The following CENPW variants were observed in gnomAD, a reference collection of about 807,000 sequenced individuals.
The protein encoded by CENPW is centromere protein W.
CENPW carries 3 observed loss-of-function variants against 11.1 expected under a neutral mutation model. The observed-to-expected ratio is 0.27, with a 90% CI of 0.12 to 0.70. The LOEUF is 0.70. Ranked by LOEUF, CENPW falls within the 30% of genes least tolerant of loss-of-function variation. The probability of loss-of-function intolerance (pLI) is 0.77; values close to 1 mark genes in which losing one functional copy is unlikely to be tolerated. For missense variants in CENPW, 100 were observed against 105.6 expected, an observed-to-expected ratio of 0.95 and a Z score of 0.23; for synonymous variants, 38 against 42.0, an observed-to-expected ratio of 0.91 and a Z score of 0.37.
intron 2 of CENPW, among the ~76,000 whole-genome samples, chr6:126,346,753 G>GC (rs1019295765): frequency 1.3e-5 from 2 of 152,008 alleles, no homozygotes; most frequent in South Asian, 2.1e-4. Flanking sequence ...GGGGAAAACC[G>GC]CCCCCCATGA....
chr6:126,466,925 A>G, the CENPW span, among the ~76,000 whole-genome samples: 1 of 152,180 alleles, frequency 6.6e-6, no homozygotes, highest in East Asian at 1.9e-4. Context: ...GGAATAGGGG[A>G]AAAACAGCTA....
At chr6:126,467,772 A>T in the CENPW span, among the ~76,000 whole-genome samples, 1 of 152,158 alleles carries the variant, frequency 6.6e-6, no homozygotes, top group Admixed American at 6.6e-5. Context: ...GTCTTCCAAA[A>T]AATACAGTAT....
chr6:126,370,111 A>G, the CENPW span, among the ~76,000 whole-genome samples: 1 of 152,106 alleles, frequency 6.6e-6, no homozygotes, highest in Non-Finnish European at 1.5e-5. Context: ...TGGGTTCTCT[A>G]TTCTGTTCCA....
the CENPW span, among the ~76,000 whole-genome samples, chr6:126,476,691 T>G: frequency 6.6e-6 from 1 of 151,998 alleles, no homozygotes; most frequent in Non-Finnish European, 1.5e-5. Context: ...AATATCTCAG[T>G]ATGAGAGAAT....
the CENPW span, among the ~76,000 whole-genome samples, chr6:126,474,361 A>C: frequency 6.6e-6 from 1 of 152,102 alleles, no homozygotes; most frequent in African/African-American, 2.4e-5. Flanking sequence ...TTCCCCATGT[A>C]AACCTTGTGG....
the CENPW span, among the ~76,000 whole-genome samples, chr6:126,397,743 G>A: frequency 6.6e-6 from 1 of 152,004 alleles, no homozygotes; most frequent in Non-Finnish European, 1.5e-5. Flanking sequence ...CATTGTTGGT[G>A]ACCTGTTCCC....
the CENPW span, among the ~76,000 whole-genome samples, chr6:126,425,746 A>C: frequency 1.3e-5 from 2 of 151,786 alleles, no homozygotes; most frequent in African/African-American, 2.4e-5. Flanking sequence ...TCATCTGTAC[A>C]CTAGTTCTTT....
At chr6:126,476,469 A>C in the CENPW span, among the ~76,000 whole-genome samples, 2 of 151,954 alleles carry the variant, frequency 1.3e-5, no homozygotes, top group African/African-American at 4.8e-5. Context: ...TCATCTGAAG[A>C]TAATACTTTA....
the CENPW span, among the ~76,000 whole-genome samples, chr6:126,443,908 C>A: frequency 6.6e-6 from 1 of 151,070 alleles, no homozygotes; most frequent in African/African-American, 2.4e-5. Flanking sequence ...ACAAAAAGTT[C>A]AACACTTTTA....
At chr6:126,353,787 CTCTG>C (rs1192590472), downstream of CENPW, among the ~76,000 whole-genome samples, 2 of 152,048 alleles carry the variant, frequency 1.3e-5, no homozygotes, top group African/African-American at 2.4e-5. Context: ...TGAATTTTTT[CTCTG>C]TCTTTTAGTT....
the CENPW span, among the ~76,000 whole-genome samples, chr6:126,424,039 T>C: frequency 6.6e-6 from 1 of 152,046 alleles, no homozygotes; most frequent in African/African-American, 2.4e-5. Flanking sequence ...TTTTTAACTT[T>C]AGAAAAAAAT....
At chr6:126,374,561 T>A in the CENPW span, among the ~76,000 whole-genome samples, 3 of 152,152 alleles carry the variant, frequency 2.0e-5, no homozygotes, top group Non-Finnish European at 4.4e-5. Context: ...GAGTACAGAT[T>A]TGTGGCAACT....
the CENPW span, among the ~76,000 whole-genome samples, chr6:126,456,644 C>T: frequency 6.6e-6 from 1 of 151,478 alleles, no homozygotes; most frequent in African/African-American, 2.4e-5. Flanking sequence ...TAGACCCTGA[C>T]AAAGATTTCA....
At chr6:126,458,988 T>A in the CENPW span, among the ~76,000 whole-genome samples, 3 of 151,414 alleles carry the variant, frequency 2.0e-5, no homozygotes, top group African/African-American at 4.8e-5. Flanking sequence ...CTCTAGGGTG[T>A]TTTCTCTGAT....
At chr6:126,369,758 G>C in the CENPW span, among the ~76,000 whole-genome samples, 1 of 152,070 alleles carries the variant, frequency 6.6e-6, no homozygotes, top group Non-Finnish European at 1.5e-5. Context: ...TGTTTCTTTT[G>C]CTGTGCAGAA....
At chr6:126,477,642 G>A in the CENPW span, among the ~76,000 whole-genome samples, 1 of 151,932 alleles carries the variant, frequency 6.6e-6, no homozygotes, top group East Asian at 1.9e-4. Flanking sequence ...AAAGTCTAAT[G>A]AACCCTGAAA....
chr6:126,405,789 C>T, the CENPW span, among the ~76,000 whole-genome samples: 7 of 151,750 alleles, frequency 4.6e-5, no homozygotes, highest in East Asian at 3.9e-4. Flanking sequence ...TTCTTTTCCT[C>T]GTATTTCATT....
At chr6:126,461,124 G>C in the CENPW span, among the ~76,000 whole-genome samples, 1 of 151,808 alleles carries the variant, frequency 6.6e-6, no homozygotes, top group East Asian at 2.0e-4. Context: ...TCATTTTGTA[G>C]TTCCCATAAT....
chr6:126,429,642 T>C, the CENPW span, among the ~76,000 whole-genome samples: 1 of 152,224 alleles, frequency 6.6e-6, no homozygotes, highest in Admixed American at 6.5e-5. Flanking sequence ...TAAAACTCTT[T>C]TCTTTATAAA....
Sources: allele counts gnomAD v4.1 joint callset (sites outside exome capture counted in the v4.1 genomes callset), GRCh38; gene constraint gnomAD v4.1.1; transcripts MANE v1.5; gene names NCBI Gene and HGNC (gene_info 2026-07-23, HGNC 2026-07-21).